Variants in SOX6 observed in about 807,000 individuals in gnomAD.
The protein encoded by SOX6 is SRY-box transcription factor 6, also known as transcription factor SOX-6.
Under a neutral mutation model 97.8 loss-of-function variants are expected in SOX6, and 11 were observed. That is an observed-to-expected ratio of 0.11 (90% CI 0.07 to 0.19). The LOEUF (loss-of-function observed/expected upper bound fraction) is 0.19. Ranked by LOEUF, SOX6 falls within the 10% of genes least tolerant of loss-of-function variation. SOX6 has a pLI of 1.00. For missense variants in SOX6, 810 were observed against 1,039.5 expected (o/e 0.78, Z 3.04); for synonymous variants, 360 against 371.4 (o/e 0.97, Z 0.35).
At chr11:16,647,206 T>C (rs1038664182) in intron 3 of SOX6, among the ~76,000 whole-genome samples, 2 of 152,172 alleles carry the variant, frequency 1.3e-5, no homozygotes, top group Non-Finnish European at 2.9e-5. Flanking sequence ...CTGCTCCCTG[T>C]TCCTTTTGCT....
At chr11:16,354,595 C>A (rs1014917592) in intron 1 of SOX6, among the ~76,000 whole-genome samples, 7 of 152,060 alleles carry the variant, frequency 4.6e-5, no homozygotes, top group African/African-American at 1.7e-4. Flanking sequence ...TTCCTAAGGA[C>A]AATAGAGTCC....
At chr11:16,040,260 T>C (rs145638189) in intron 12 of SOX6, among the ~76,000 whole-genome samples, 142 of 152,174 alleles carry the variant, frequency 9.3e-4, no homozygotes, top group African/African-American at 3.3e-3. Context: ...ATTCTCACCA[T>C]TTTTTTCCTG....
chr11:16,711,602 A>G (rs1441406392), intron 3 of SOX6, among the ~76,000 whole-genome samples: 1 of 152,224 alleles, frequency 6.6e-6, no homozygotes, highest in Admixed American at 6.5e-5. Flanking sequence ...ACTTCATTTC[A>G]TGATCTAAAA....
intron 4 of SOX6, among the ~76,000 whole-genome samples, chr11:16,200,952 A>T (rs1289511956): frequency 6.6e-6 from 1 of 151,950 alleles, no homozygotes; most frequent in African/African-American, 2.4e-5. Context: ...CTAAAAATAT[A>T]TACATATATA....
intron 1 of SOX6, among the ~76,000 whole-genome samples, chr11:16,468,950 G>A (rs1463772028): frequency 2.0e-5 from 3 of 151,956 alleles, no homozygotes; most frequent in Non-Finnish European, 4.4e-5. Context: ...CACCGCGCAT[G>A]TTTCAAATGC....
At chr11:16,700,252 G>C (rs775801835) in intron 3 of SOX6, among the ~76,000 whole-genome samples, 5 of 152,072 alleles carry the variant, frequency 3.3e-5, no homozygotes, top group Non-Finnish European at 7.4e-5. Context: ...AAGTATCCAA[G>C]AAAAGGGTAC....
intron 3 of SOX6, among the ~76,000 whole-genome samples, chr11:16,297,202 G>C (rs1272503116): frequency 6.6e-6 from 1 of 152,062 alleles, no homozygotes; most frequent in African/African-American, 2.4e-5. Flanking sequence ...TCACACAGTT[G>C]TGATAGCTTT....
chr11:16,155,230 C>A (rs955232101), intron 6 of SOX6, among the ~76,000 whole-genome samples: 3 of 152,092 alleles, frequency 2.0e-5, no homozygotes, highest in African/African-American at 7.2e-5. Flanking sequence ...GAAAGAGAGG[C>A]AGCAGAGTGT....
chr11:16,565,172 G>A (rs777784229), intron 4 of SOX6, among the ~76,000 whole-genome samples: 1 of 152,138 alleles, frequency 6.6e-6, no homozygotes, highest in Non-Finnish European at 1.5e-5. Flanking sequence ...AATACTAGCA[G>A]TAACTCTACA....
At chr11:16,711,341 C>A (rs1848177873) in intron 3 of SOX6, among the ~76,000 whole-genome samples, 1 of 151,970 alleles carries the variant, frequency 6.6e-6, no homozygotes, top group Non-Finnish European at 1.5e-5. Flanking sequence ...CTAGCCTGGG[C>A]AACATGAGGA....
At chr11:16,376,580 G>A (rs1320034227) in intron 1 of SOX6, among the ~76,000 whole-genome samples, 1 of 152,132 alleles carries the variant, frequency 6.6e-6, no homozygotes, top group Non-Finnish European at 1.5e-5. Flanking sequence ...AGGAATACAG[G>A]AAGAGGAAGC....
At chr11:16,014,678 T>C (rs910746313) in intron 13 of SOX6, among the ~76,000 whole-genome samples, 4 of 152,100 alleles carry the variant, frequency 2.6e-5, no homozygotes, top group African/African-American at 7.2e-5. Flanking sequence ...AGGATCCTTT[T>C]ATTTTAAAAC....
chr11:16,315,596 A>G (rs1024125586), intron 3 of SOX6: 2 of 152,208 alleles, frequency 1.3e-5, no homozygotes, highest in Admixed American at 1.3e-4. Flanking sequence ...AGGATAGATC[A>G]GTTACTATCT....
chr11:16,462,270 A>G (rs1859946172), intron 1 of SOX6, among the ~76,000 whole-genome samples: 1 of 152,244 alleles, frequency 6.6e-6, no homozygotes, highest in South Asian at 2.1e-4. Context: ...TGCTTCAAAC[A>G]ATAAACTACC....
intron 3 of SOX6, among the ~76,000 whole-genome samples, chr11:16,245,626 CA>C (rs908571691): frequency 6.6e-6 from 1 of 151,626 alleles, no homozygotes; most frequent in African/African-American, 2.4e-5. Flanking sequence ...ATTATTAATA[CA>C]TGTATATATG....
intron 4 of SOX6, among the ~76,000 whole-genome samples, chr11:16,559,891 T>C (rs1163231606): frequency 6.6e-6 from 1 of 152,180 alleles, no homozygotes. Flanking sequence ...ATTAATGCAC[T>C]ATTCAAATAT....
intron 9 of SOX6, among the ~76,000 whole-genome samples, chr11:16,070,239 C>G (rs1848193037): frequency 6.6e-6 from 1 of 152,028 alleles, no homozygotes; most frequent in East Asian, 1.9e-4. Context: ...TTTCCAAGCA[C>G]TGGGTAGTTT....
chr11:16,307,086 G>A (rs1855464670), intron 3 of SOX6, among the ~76,000 whole-genome samples: 2 of 152,182 alleles, frequency 1.3e-5, no homozygotes, highest in Admixed American at 1.3e-4. Context: ...TTAAGGAGGA[G>A]GGGAGTCGTC....
At chr11:16,672,608 C>T (rs891321621) in intron 3 of SOX6, among the ~76,000 whole-genome samples, 2 of 152,146 alleles carry the variant, frequency 1.3e-5, no homozygotes, top group African/African-American at 4.8e-5. Context: ...GACTAAGTCA[C>T]TATCAGCACA....
Sources: allele counts gnomAD v4.1 joint callset (sites outside exome capture counted in the v4.1 genomes callset), GRCh38; gene constraint gnomAD v4.1.1; transcripts MANE v1.5; gene names NCBI Gene and HGNC (gene_info 2026-07-23, HGNC 2026-07-21).